Variants in DRC8 observed in about 807,000 individuals in gnomAD.
DRC8 encodes the protein dynein regulatory complex subunit 8.
the DRC8 span, among the ~76,000 whole-genome samples, chr1:245,116,868 T>C: frequency 0.88 from 133,432 of 152,144 alleles, 59,214 homozygotes; most frequent in Middle Eastern, 0.95. Flanking sequence ...GTTTTTATCT[T>C]CCTTCTGTGG....
At chr1:245,078,156 C>T in the DRC8 span, among the ~76,000 whole-genome samples, 1 of 152,166 alleles carries the variant, frequency 6.6e-6, no homozygotes, top group African/African-American at 2.4e-5. Flanking sequence ...TGTCACCTCA[C>T]CCCTATTGTA....
the DRC8 span, among the ~76,000 whole-genome samples, chr1:244,976,332 A>C: frequency 2.2e-3 from 335 of 152,266 alleles, 1 homozygote; most frequent in African/African-American, 7.4e-3. Flanking sequence ...AATTGGGATC[A>C]TGCATAATGC....
the DRC8 span, chr1:245,082,171 G>A: frequency 1.2e-6 from 2 of 1,605,588 alleles, no homozygotes; most frequent in Non-Finnish European, 1.7e-6. Context: ...AAGTAAGTAA[G>A]TAAATGCAAT....
chr1:244,977,839 T>C, the DRC8 span, among the ~76,000 whole-genome samples: 82,489 of 151,766 alleles, frequency 0.54, 24,202 homozygotes, highest in East Asian at 0.75. Flanking sequence ...AACATTTGCA[T>C]GTCCAACTAA....
the DRC8 span, among the ~76,000 whole-genome samples, chr1:244,995,434 T>C: frequency 6.6e-6 from 1 of 152,060 alleles, no homozygotes; most frequent in African/African-American, 2.4e-5. Flanking sequence ...CATAGCTCAC[T>C]GTAACCTTGA....
chr1:245,017,003 G>A, the DRC8 span, among the ~76,000 whole-genome samples: 1 of 152,170 alleles, frequency 6.6e-6, no homozygotes, highest in South Asian at 2.1e-4. Context: ...TAATTAAGCT[G>A]TGTATTTAAG....
At chr1:245,099,128 A>G in the DRC8 span, among the ~76,000 whole-genome samples, 2 of 152,146 alleles carry the variant, frequency 1.3e-5, no homozygotes, top group Admixed American at 1.3e-4. Context: ...CTGAAACCTA[A>G]CAATACGGAC....
At chr1:245,104,514 A>AG in the DRC8 span, among the ~76,000 whole-genome samples, 3 of 151,796 alleles carry the variant, frequency 2.0e-5, no homozygotes, top group African/African-American at 7.3e-5. Context: ...AAAAAAAAAA[A>AG]AAAAGAAAAG....
At chr1:245,116,860 T>A in the DRC8 span, among the ~76,000 whole-genome samples, 1 of 152,194 alleles carries the variant, frequency 6.6e-6, no homozygotes, top group Admixed American at 6.5e-5. Flanking sequence ...AATATTTTGT[T>A]TTTATCTTCC....
At chr1:245,122,542 T>C in the DRC8 span, 4 of 152,500 alleles carry the variant, frequency 2.6e-5, no homozygotes, top group Non-Finnish European at 5.9e-5. Flanking sequence ...CACTGTAGCA[T>C]CGACCTCCTG....
the DRC8 span, among the ~76,000 whole-genome samples, chr1:245,057,206 T>A: frequency 6.6e-6 from 1 of 152,138 alleles, no homozygotes; most frequent in Non-Finnish European, 1.5e-5. Flanking sequence ...AGGTTGCAGT[T>A]CACTATATAT....
the DRC8 span, among the ~76,000 whole-genome samples, chr1:245,106,194 T>A: frequency 6.6e-6 from 1 of 152,218 alleles, no homozygotes; most frequent in African/African-American, 2.4e-5. Flanking sequence ...AAACCACACT[T>A]GGTAACATTC....
the DRC8 span, among the ~76,000 whole-genome samples, chr1:244,978,589 A>C: frequency 3.9e-5 from 6 of 151,950 alleles, no homozygotes; most frequent in Non-Finnish European, 8.8e-5. Flanking sequence ...TTCTGGGCTC[A>C]AGTGATCTTC....
chr1:245,047,565 G>A, the DRC8 span, among the ~76,000 whole-genome samples: 4 of 151,468 alleles, frequency 2.6e-5, no homozygotes, highest in African/African-American at 4.9e-5. Flanking sequence ...AACCTGGGAG[G>A]TGGAGGTTGT....
At chr1:245,118,060 G>T in the DRC8 span, among the ~76,000 whole-genome samples, 2 of 152,130 alleles carry the variant, frequency 1.3e-5, no homozygotes, top group African/African-American at 4.8e-5. Context: ...CGCTACCTGA[G>T]AATTCCATTA....
chr1:245,009,028 C>CTTTTTTTT, the DRC8 span, among the ~76,000 whole-genome samples: 167 of 64,436 alleles, frequency 2.6e-3, 3 homozygotes, highest in African/African-American at 8.3e-3. Context: ...TTATGCTTTT[C>CTTTTTTTT]TTTTTTTTTT....
At chr1:245,007,963 A>G in the DRC8 span, among the ~76,000 whole-genome samples, 1 of 152,110 alleles carries the variant, frequency 6.6e-6, no homozygotes, top group African/African-American at 2.4e-5. Flanking sequence ...CCAGGAGTTC[A>G]AAACCAGCCT....
chr1:245,109,524 A>G, the DRC8 span, among the ~76,000 whole-genome samples: 3 of 152,200 alleles, frequency 2.0e-5, no homozygotes, highest in Non-Finnish European at 4.4e-5. Context: ...CTGGGTGTGC[A>G]TCGCTCTTTC....
the DRC8 span, among the ~76,000 whole-genome samples, chr1:245,008,688 T>A: frequency 6.6e-6 from 1 of 151,084 alleles, no homozygotes; most frequent in African/African-American, 2.4e-5. Flanking sequence ...TTTTTTTTTT[T>A]AAATTTTCAG....
Sources: allele counts gnomAD v4.1 joint callset (sites outside exome capture counted in the v4.1 genomes callset), GRCh38; gene constraint gnomAD v4.1.1; transcripts MANE v1.5; gene names NCBI Gene and HGNC (gene_info 2026-07-23, HGNC 2026-07-21).